Variants in LRP5 observed in about 807,000 individuals in gnomAD.
The protein encoded by LRP5 is LDL receptor related protein 5, also known as low-density lipoprotein receptor-related protein 5.
In LRP5, 62 loss-of-function variants were observed where a neutral mutation model predicts 154.1. The ratio of observed to expected loss-of-function variants is 0.40; its 90% CI spans 0.33 to 0.50. The LOEUF (loss-of-function observed/expected upper bound fraction) is 0.50. Ranked by LOEUF, LRP5 falls within the 20% of genes least tolerant of loss-of-function variation. The pLI is 0.55. For missense variants in LRP5, 1,915 were observed against 2,336.7 expected, an observed-to-expected ratio of 0.82 and a Z score of 3.72; for synonymous variants, 966 against 1,011.5, an observed-to-expected ratio of 0.96 and a Z score of 0.85.
intron 2 of LRP5, among the ~76,000 whole-genome samples, chr11:68,352,229 C>G (rs2098619316): frequency 1.3e-5 from 2 of 152,112 alleles, no homozygotes; most frequent in Non-Finnish European, 2.9e-5. Context: ...GGGATCTGTT[C>G]TGAAGAGAAA....
At position 68,312,744 on chromosome 11, in the gene LRP5, G is replaced by C; in HGVS notation, c.30G>C (p.Trp10Cys). 9.4e-7 allele frequency: 1 copy of C among 1,069,020 alleles called. No individual in the cohort carries two copies. Among genetic ancestry groups the C allele is most frequent in the Non-Finnish European group, 1.1e-6 (1 of 882,674 alleles). 66.2% of individuals were successfully genotyped at this position (1,069,020 alleles called of 1,614,324 possible). A position where few individuals can be genotyped will look rare whatever the true frequency, so the allele number is the denominator to read the frequency against. The change falls in exon 1 of 23, where the codon TGG (tryptophan) becomes TGC (cysteine). Residue 10 changes from tryptophan (W) to cysteine (C), a missense_variant. Coordinates refer to ENST00000294304, the MANE Select transcript of LRP5 (RefSeq NM_002335.4). MEAAPPGPP[W>C]PLLLLLLLLL... The stretch of plus-strand genomic sequence containing the variant: ...AGGCAGCGCCGCCCGGGCCGCCGTG[G>C]CCGCTGCTGCTGCTGCTGCTGCTGC...
intron 21 of LRP5, among the ~76,000 whole-genome samples, chr11:68,444,550 G>A (rs1279262133): frequency 8.8e-4 from 1 of 1,136 alleles, no homozygotes; most frequent in Admixed American, 8.2e-3. Flanking sequence ...CAGATGAGCC[G>A]AGTGGCCTCC....
At chr11:68,389,795 T>C (rs2098645324) in intron 6 of LRP5, 86 bp from the exon 7 acceptor site, 2 of 1,420,710 alleles carry the variant, frequency 1.4e-6, no homozygotes, top group South Asian at 1.1e-5. Context: ...GGGGGCCGGC[T>C]TGGGGGCAGG....
intron 5 of LRP5, among the ~76,000 whole-genome samples, chr11:68,378,801 G>A (rs2098638798): frequency 6.6e-6 from 1 of 152,062 alleles, no homozygotes. Flanking sequence ...ACTTTGGGAG[G>A]CTGGAGTTGG....
At chr11:68,332,528 G>A (rs944934640) in intron 1 of LRP5, among the ~76,000 whole-genome samples, 5 of 152,346 alleles carry the variant, frequency 3.3e-5, no homozygotes, top group East Asian at 1.9e-4. Flanking sequence ...GTGAGCTGGC[G>A]GGCTTACGGA....
At chr11:68,341,418 C>T (rs1465473955) in intron 1 of LRP5, among the ~76,000 whole-genome samples, 3 of 152,066 alleles carry the variant, frequency 2.0e-5, no homozygotes, top group South Asian at 2.1e-4. Context: ...CATCCCTCAT[C>T]GCCCCAGGTC....
chr11:68,326,578 C>T (rs1047433516), intron 1 of LRP5, among the ~76,000 whole-genome samples: 42 of 152,384 alleles, frequency 2.8e-4, no homozygotes, highest in African/African-American at 9.4e-4. Context: ...GCAGTTGGCG[C>T]TCCGTGGTTG....
upstream of LRP5, among the ~76,000 whole-genome samples, chr11:68,308,256 G>C (rs1006176793): frequency 6.6e-6 from 1 of 151,714 alleles, no homozygotes; most frequent in Non-Finnish European, 1.5e-5. Flanking sequence ...CTGCCGGGTT[G>C]GGGGGGGCTC....
chr11:68,299,519 C>T, the LRP5 span, among the ~76,000 whole-genome samples: 1 of 148,376 alleles, frequency 6.7e-6, no homozygotes, highest in Admixed American at 6.7e-5. Flanking sequence ...GGGTGGAGTG[C>T]TCAGTGTAGA....
intron 17 of LRP5, among the ~76,000 whole-genome samples, chr11:68,433,223 C>T (rs754853853): frequency 3.9e-5 from 6 of 152,166 alleles, no homozygotes; most frequent in Admixed American, 6.5e-5. Flanking sequence ...TGTGTGTTGC[C>T]GGGAGGAGGA....
At position 68,392,044 on chromosome 11, in the gene LRP5, C is replaced by T. The variant is rs185551864; in HGVS notation, c.1584+1992C>T. On this transcript the variant is annotated intron_variant, in intron 7 of 22. Transcript: ENST00000294304. Reference sequence around the variant, plus strand: ...TTTTTTGTGGGGGGAGATGGGGTTTCGCTGTGGTGCCCAAGCTGATCTCAA... The same window carrying T: ...TTTTTTGTGGGGGGAGATGGGGTTTTGCTGTGGTGCCCAAGCTGATCTCAA... 2.5e-3 allele frequency among the ~76,000 whole-genome samples: 387 copies of T among 152,076 alleles called. 2 individuals are homozygous for T. The highest frequency in any genetic ancestry group is 8.9e-3 in the African/African-American group (368 of 41,504).
chr11:68,364,580 G>T (rs1167262084), intron 4 of LRP5, among the ~76,000 whole-genome samples: 1 of 152,106 alleles, frequency 6.6e-6, no homozygotes, highest in Non-Finnish European at 1.5e-5. Context: ...TCTCAGCCTG[G>T]GGGCCACGCT....
chr11:68,300,075 G>A, the LRP5 span, among the ~76,000 whole-genome samples: 14 of 147,954 alleles, frequency 9.5e-5, 1 homozygote, highest in African/African-American at 3.4e-4. Context: ...TAGATACAGG[G>A]TTTCACCATG....
chr11:68,317,196 T>C (rs2098593931), intron 1 of LRP5, among the ~76,000 whole-genome samples: 1 of 152,192 alleles, frequency 6.6e-6, no homozygotes, highest in African/African-American at 2.4e-5. Context: ...TCTCTTCAGC[T>C]CTGGAGAGCC....
At chr11:68,436,763 G>T (rs1268095379) in intron 18 of LRP5, 126 bp from the exon 19 acceptor site, 1 of 700,198 alleles carries the variant, frequency 1.4e-6, no homozygotes, top group Admixed American at 2.0e-5. Context: ...ACCACTCCCC[G>T]CTGGTCCTAG....
chr11:68,416,837 G>A (rs1245388001), intron 13 of LRP5, among the ~76,000 whole-genome samples: 1 of 152,208 alleles, frequency 6.6e-6, no homozygotes, highest in Non-Finnish European at 1.5e-5. Flanking sequence ...GTTGGTACTG[G>A]TTAATCCAGG....
At chr11:68,350,453 G>T (rs7111735) in intron 2 of LRP5, among the ~76,000 whole-genome samples, 7,157 of 152,302 alleles carry the variant, frequency 0.047, 566 homozygotes, top group African/African-American at 0.16. Context: ...CCCTTCCCTT[G>T]GCCATGCCCT....
At chr11:68,375,559 G>A (rs577704589) in intron 5 of LRP5, among the ~76,000 whole-genome samples, 3 of 152,262 alleles carry the variant, frequency 2.0e-5, no homozygotes, top group South Asian at 2.1e-4. Context: ...CCGCCCGTGC[G>A]CAGCCCTCTG....
At chr11:68,338,551 G>A (rs534262078) in intron 1 of LRP5, among the ~76,000 whole-genome samples, 84 of 152,282 alleles carry the variant, frequency 5.5e-4, no homozygotes, top group African/African-American at 1.9e-3. Flanking sequence ...AGAAGTGGGC[G>A]TTCCTGGGAG....
Sources: gnomAD v4.1 joint callset for allele counts (sites outside exome capture counted in the v4.1 genomes callset) on GRCh38, gnomAD v4.1.1 for gene constraint, MANE v1.5 for transcripts, NCBI Gene and HGNC (gene_info 2026-07-23, HGNC 2026-07-21) for gene names.